Variants in FAF1 observed in about 807,000 individuals in gnomAD.
FAF1 encodes FAS-associated factor 1.
Under a neutral mutation model 92.5 loss-of-function variants are expected in FAF1, and 25 were observed. The ratio of observed to expected loss-of-function variants is 0.27; its 90% CI spans 0.20 to 0.38. The LOEUF is 0.38. Ranked by LOEUF, FAF1 falls within the 10% of genes least tolerant of loss-of-function variation. The pLI is 1.00. For synonymous variants in FAF1, 234 were observed against 273.2 expected, an observed-to-expected ratio of 0.86 and a Z score of 1.42; for missense variants, 636 against 793.3, an observed-to-expected ratio of 0.80 and a Z score of 2.38.
intron 4 of FAF1, among the ~76,000 whole-genome samples, chr1:50,749,714 G>A (rs1659775036): frequency 6.6e-6 from 1 of 151,962 alleles, no homozygotes; most frequent in African/African-American, 2.4e-5. Context: ...CTTGAGACCA[G>A]GAGATGGAGG....
intron 1 of FAF1, among the ~76,000 whole-genome samples, chr1:50,897,298 C>T (rs917256487): frequency 2.6e-5 from 4 of 152,226 alleles, no homozygotes; most frequent in African/African-American, 9.6e-5. Flanking sequence ...ATTTAATACA[C>T]CACTTATCCA....
chr1:50,499,363 G>GTA (rs759738462), intron 15 of FAF1, among the ~76,000 whole-genome samples: 11 of 110,098 alleles, frequency 1.0e-4, no homozygotes, highest in African/African-American at 3.6e-4. Context: ...TAGCTGTAGG[G>GTA]TTTTTTTTTT....
At chr1:50,659,084 T>C (rs555390295) in intron 7 of FAF1, among the ~76,000 whole-genome samples, 2 of 151,806 alleles carry the variant, frequency 1.3e-5, no homozygotes, top group Non-Finnish European at 2.9e-5. Context: ...ACACAAAACA[T>C]AAAAACGATT....
intron 5 of FAF1, 97 bp downstream of exon 5, chr1:50,744,587 C>A: frequency 1.3e-6 from 1 of 758,628 alleles, no homozygotes. Context: ...CTACTACTGC[C>A]ATATGTAACA....
intron 6 of FAF1, among the ~76,000 whole-genome samples, chr1:50,733,329 T>C (rs1428106069): frequency 6.6e-6 from 1 of 152,220 alleles, no homozygotes; most frequent in African/African-American, 2.4e-5. Flanking sequence ...ATGTTCTCCA[T>C]CTGTCTCCAA....
intron 2 of FAF1, among the ~76,000 whole-genome samples, chr1:50,857,718 A>G (rs1433015702): frequency 6.6e-6 from 1 of 151,852 alleles, no homozygotes; most frequent in Non-Finnish European, 1.5e-5. Context: ...AAAAACTTTA[A>G]AAGTCAATTA....
intron 12 of FAF1, among the ~76,000 whole-genome samples, chr1:50,577,996 T>C (rs1415755702): frequency 6.6e-6 from 1 of 152,244 alleles, no homozygotes; most frequent in East Asian, 1.9e-4. Context: ...TTAAGATGGA[T>C]TGAATGTGGC....
intron 7 of FAF1, among the ~76,000 whole-genome samples, chr1:50,659,569 A>C (rs1363744344): frequency 2.0e-5 from 3 of 152,212 alleles, no homozygotes; most frequent in South Asian, 2.1e-4. Flanking sequence ...AACATTTCCT[A>C]AGGGCCTTTT....
intron 7 of FAF1, among the ~76,000 whole-genome samples, chr1:50,697,917 A>G (rs909482330): frequency 6.6e-6 from 1 of 152,188 alleles, no homozygotes; most frequent in African/African-American, 2.4e-5. Context: ...TGAAAAAGAA[A>G]AACTCCTTAA....
intron 2 of FAF1, among the ~76,000 whole-genome samples, chr1:50,828,235 G>C (rs1168391716): frequency 6.7e-6 from 1 of 148,538 alleles, no homozygotes; most frequent in Non-Finnish European, 1.5e-5. Flanking sequence ...GCACTGCAGA[G>C]AAGTAGGGAA....
chr1:50,623,955 G>C (rs985965983), intron 8 of FAF1, among the ~76,000 whole-genome samples: 2 of 149,918 alleles, frequency 1.3e-5, no homozygotes, highest in African/African-American at 4.9e-5. Flanking sequence ...AACAAAGAAA[G>C]AAGAAGAAGA....
rs114329455 is a variant in FAF1 at position 50,487,247 on chromosome 1, G to A, written c.1653+3341C>T. Among the ~76,000 whole-genome samples the A allele has an allele frequency of 6.7e-3, 1,022 of 152,234 alleles. 15 individuals carry two copies. The highest frequency in any genetic ancestry group is 0.023 in the African/African-American group (952 of 41,554). On this transcript the variant is annotated intron_variant, in intron 17 of 18. Transcript: ENST00000396153. ...AACTAGCCTTCAGATCTGATGTTAC[G>A]CACAAAGTAAAACTTGTAAACTATC... is the stretch of plus-strand genomic sequence containing the variant.
At chr1:50,884,521 CAAA>C (rs560254938) in intron 1 of FAF1, among the ~76,000 whole-genome samples, 5 of 90,582 alleles carry the variant, frequency 5.5e-5, no homozygotes, top group Non-Finnish European at 4.8e-5. Flanking sequence ...GACTCTGTCT[CAAA>C]AAAAAAAAAA....
intron 8 of FAF1, among the ~76,000 whole-genome samples, chr1:50,647,041 GT>G (rs1243591314): frequency 1.3e-5 from 2 of 152,076 alleles, no homozygotes; most frequent in African/African-American, 4.8e-5. Flanking sequence ...TAGAGACAGG[GT>G]TTCACCATGT....
chr1:50,615,249 G>A (rs1165747222), intron 8 of FAF1, among the ~76,000 whole-genome samples: 1 of 152,196 alleles, frequency 6.6e-6, no homozygotes, highest in Admixed American at 6.5e-5. Context: ...GTATTCCATG[G>A]TGTATATGTA....
intron 8 of FAF1, among the ~76,000 whole-genome samples, chr1:50,654,306 C>T (rs922952174): frequency 2.0e-5 from 3 of 152,042 alleles, no homozygotes; most frequent in African/African-American, 7.2e-5. Context: ...TTCTTTTTAG[C>T]CCTATTTATT....
At chr1:50,669,027 CT>C (rs1457917726) in intron 7 of FAF1, among the ~76,000 whole-genome samples, 2 of 152,172 alleles carry the variant, frequency 1.3e-5, no homozygotes, top group Non-Finnish European at 1.5e-5. Flanking sequence ...AAACCATGGA[CT>C]TCTGGTATTA....
intron 1 of FAF1, 83 bp from the exon 2 acceptor site, chr1:50,858,080 T>A (rs376492103): frequency 1.2e-4 from 108 of 919,788 alleles, no homozygotes; most frequent in Non-Finnish European, 1.7e-4. Flanking sequence ...AATAGCATAA[T>A]ATGTAATTTA....
At chr1:50,447,212 G>A (rs975870914) in intron 18 of FAF1, among the ~76,000 whole-genome samples, 4 of 136,158 alleles carry the variant, frequency 2.9e-5, no homozygotes, top group Non-Finnish European at 4.6e-5. Context: ...TGCAAGCTCC[G>A]CCTCCCGGGT....
Sources: allele counts gnomAD v4.1 joint callset (sites outside exome capture counted in the v4.1 genomes callset), GRCh38; gene constraint gnomAD v4.1.1; transcripts MANE v1.5; gene names NCBI Gene and HGNC (gene_info 2026-07-23, HGNC 2026-07-21).